Variants in KIAA1328 observed in about 807,000 individuals in gnomAD.
KIAA1328 encodes the protein KIAA1328.
Under a neutral mutation model 68.1 loss-of-function variants are expected in KIAA1328, and 52 were observed. That is an observed-to-expected ratio of 0.76 (90% CI 0.61 to 0.96). The LOEUF is 0.96. KIAA1328 is among the 40% of genes least tolerant of loss of function. The pLI is 0.00. For synonymous variants in KIAA1328, 232 were observed against 239.4 expected (o/e 0.97, Z 0.28); for missense variants, 641 against 677.6 (o/e 0.95, Z 0.60).
intron 7 of KIAA1328, among the ~76,000 whole-genome samples, chr18:37,115,510 T>C (rs1430040832): frequency 6.6e-6 from 1 of 152,202 alleles, no homozygotes; most frequent in Non-Finnish European, 1.5e-5. Context: ...TGATGGGACG[T>C]ATCTTGAAAT....
At chr18:37,213,777 T>C (rs1265959702) in intron 9 of KIAA1328, among the ~76,000 whole-genome samples, 2 of 152,170 alleles carry the variant, frequency 1.3e-5, no homozygotes, top group African/African-American at 4.8e-5. Flanking sequence ...AGTGTAAAAG[T>C]GTTCCTATTT....
At chr18:37,209,405 G>A (rs1387710250) in intron 9 of KIAA1328, among the ~76,000 whole-genome samples, 2 of 152,008 alleles carry the variant, frequency 1.3e-5, no homozygotes, top group African/African-American at 4.8e-5. Flanking sequence ...AATAAATAAC[G>A]ACCCTACCCT....
chr18:37,065,823 A>G (rs1303585602), intron 6 of KIAA1328, among the ~76,000 whole-genome samples: 1 of 152,248 alleles, frequency 6.6e-6, no homozygotes, highest in African/African-American at 2.4e-5. Flanking sequence ...CGTGGAATCT[A>G]GATACACCAT....
intron 7 of KIAA1328, among the ~76,000 whole-genome samples, chr18:37,090,750 T>C (rs543333671): frequency 1.3e-5 from 2 of 152,218 alleles, no homozygotes; most frequent in Non-Finnish European, 2.9e-5. Context: ...TATAGTCTTA[T>C]ATTTTTGTCA....
intron 5 of KIAA1328, among the ~76,000 whole-genome samples, chr18:36,924,572 G>A (rs901261160): frequency 1.3e-5 from 2 of 152,126 alleles, no homozygotes; most frequent in Non-Finnish European, 2.9e-5. Flanking sequence ...TTAAAGATAG[G>A]CCCAATTTAA....
chr18:37,044,763 C>T (rs1188906052), intron 6 of KIAA1328, among the ~76,000 whole-genome samples: 1 of 147,478 alleles, frequency 6.8e-6, no homozygotes, highest in Non-Finnish European at 1.5e-5. Context: ...CGCGCCACTG[C>T]ACTCCAGCCT....
chr18:37,041,743 T>C (rs1354483575), intron 6 of KIAA1328, among the ~76,000 whole-genome samples: 1 of 152,076 alleles, frequency 6.6e-6, no homozygotes, highest in Non-Finnish European at 1.5e-5. Flanking sequence ...ATCATTGCTT[T>C]AGGGATTGCA....
At chr18:36,856,784 T>C (rs1443664262) in intron 4 of KIAA1328, among the ~76,000 whole-genome samples, 1 of 152,198 alleles carries the variant, frequency 6.6e-6, no homozygotes, top group Non-Finnish European at 1.5e-5. Flanking sequence ...TGTTATAATA[T>C]GGTAATTGTG....
chr18:36,847,438 C>T (rs1185907508), intron 4 of KIAA1328, among the ~76,000 whole-genome samples: 1 of 151,334 alleles, frequency 6.6e-6, no homozygotes, highest in Non-Finnish European at 1.5e-5. Context: ...AAATTTTAGC[C>T]CTTCTAATGA....
At chr18:36,911,833 G>A (rs1321927428) in intron 5 of KIAA1328, among the ~76,000 whole-genome samples, 1 of 152,124 alleles carries the variant, frequency 6.6e-6, no homozygotes, top group Non-Finnish European at 1.5e-5. Flanking sequence ...ACAAATGCAT[G>A]TAAAGGCTTA....
chr18:37,100,801 A>G (rs323313), intron 7 of KIAA1328, among the ~76,000 whole-genome samples: 61,373 of 151,950 alleles, frequency 0.4, 14,251 homozygotes, highest in African/African-American at 0.64. Flanking sequence ...TCACACGGCC[A>G]GGTACTCCTC....
At position 37,067,180 on chromosome 18, in the gene KIAA1328, A is replaced by G; in HGVS notation, c.867A>G (p.Glu289=). Residue 289 remains glutamate (E), a synonymous_variant, in exon 7 of 10, where the codon GAA becomes GAG. Transcript: ENST00000280020. The part of the protein sequence containing the change: ...AVPTEKMPQE[E]LHMKECPHLK... ...CAACAGAGAAAATGCCACAAGAAGAATTGCACATGAAGGAATGTCCACATC... is the reference window on the plus strand; with the variant it reads ...CAACAGAGAAAATGCCACAAGAAGAGTTGCACATGAAGGAATGTCCACATC... The G allele has an allele frequency of 1.2e-6, 2 of 1,614,026 alleles. No homozygotes were observed. Among genetic ancestry groups the G allele is most frequent in the Non-Finnish European group, 1.7e-6 (2 of 1,179,892 alleles).
intron 7 of KIAA1328, among the ~76,000 whole-genome samples, chr18:37,131,808 G>A (rs575526692): frequency 1.6e-4 from 24 of 152,128 alleles, no homozygotes; most frequent in South Asian, 1.2e-3. Context: ...AGTCACACTC[G>A]GGGGTAACTA....
At chr18:37,209,166 CT>C (rs767203258) in intron 9 of KIAA1328, among the ~76,000 whole-genome samples, 1 of 152,098 alleles carries the variant, frequency 6.6e-6, no homozygotes, top group South Asian at 2.1e-4. Flanking sequence ...TGTAAGCATC[CT>C]TTTTTTGTAA....
intron 9 of KIAA1328, among the ~76,000 whole-genome samples, chr18:37,178,738 A>G (rs1310843423): frequency 6.6e-6 from 1 of 152,110 alleles, no homozygotes; most frequent in Non-Finnish European, 1.5e-5. Flanking sequence ...ATCATTGCCA[A>G]CACTTGTCTT....
chr18:36,989,576 T>G (rs1598906570), intron 6 of KIAA1328, among the ~76,000 whole-genome samples: 1 of 152,348 alleles, frequency 6.6e-6, no homozygotes, highest in East Asian at 1.9e-4. Context: ...GAAGAGACCT[T>G]CAGCCCCAGG....
At chr18:37,074,024 C>T (rs771626892) in intron 7 of KIAA1328, among the ~76,000 whole-genome samples, 16 of 152,202 alleles carry the variant, frequency 1.1e-4, no homozygotes, top group Non-Finnish European at 2.1e-4. Context: ...TAAGATGTCT[C>T]ATTGAACCAT....
In KIAA1328 at chr18:37,221,923, A is replaced by G. The variant is rs2060570823; in HGVS notation, c.1524-94A>G. ...TATGCATGATGTGATCTGTAATCTA[A>G]TTCTTGCCCTGGACAGCCCATTTCT... On this transcript the variant is annotated intron_variant, in intron 9 of 9. Transcript: ENST00000280020. The G allele has an allele frequency of 3.3e-6, 4 of 1,228,152 alleles. No homozygotes were observed. The Admixed American group carries it at 8.5e-5, about 26-fold the overall frequency. 76.1% of individuals were successfully genotyped at this position (1,228,152 alleles called of 1,614,324 possible).
intron 5 of KIAA1328, among the ~76,000 whole-genome samples, chr18:36,953,054 A>G (rs958458299): frequency 2.6e-5 from 4 of 151,824 alleles, no homozygotes; most frequent in Non-Finnish European, 4.4e-5. Context: ...TTTCAAATAT[A>G]TAGAGAGTTG....
Sources: allele counts gnomAD v4.1 joint callset (sites outside exome capture counted in the v4.1 genomes callset), GRCh38; gene constraint gnomAD v4.1.1; transcripts MANE v1.5; gene names NCBI Gene and HGNC (gene_info 2026-07-23, HGNC 2026-07-21).